Variants in L3HYPDH observed in about 807,000 individuals in gnomAD.
L3HYPDH encodes the protein trans-3-hydroxy-L-proline dehydratase.
A neutral mutation model predicts 26.5 loss-of-function variants in L3HYPDH; 32 were observed. The observed-to-expected ratio is 1.21, with a 90% CI of 0.91 to 1.62. The LOEUF (loss-of-function observed/expected upper bound fraction) is 1.62. Ranked by LOEUF, L3HYPDH falls within the 40% of genes most tolerant of loss-of-function variation. The pLI is 0.00. For synonymous variants in L3HYPDH, 215 were observed against 196.6 expected (o/e 1.09, Z -0.78); for missense variants, 554 against 476.4 (o/e 1.16, Z -1.52).
chr14:59,490,850 A>C, the L3HYPDH span, among the ~76,000 whole-genome samples: 121 of 152,340 alleles, frequency 7.9e-4, no homozygotes, highest in Non-Finnish European at 1.5e-3. Flanking sequence ...ACAGTAAAGA[A>C]GAGCTAACAG....
upstream of L3HYPDH, chr14:59,485,214 A>T: frequency 7.6e-7 from 1 of 1,322,458 alleles, no homozygotes; most frequent in Non-Finnish European, 1.0e-6. Flanking sequence ...ACGTGTATTT[A>T]TTAAGCATCT....
At chr14:59,475,034 G>A (rs1889530275) in intron 4 of L3HYPDH, 1 of 151,158 alleles carries the variant, frequency 6.6e-6, no homozygotes, top group South Asian at 2.1e-4. Flanking sequence ...ATAATTTACT[G>A]AATGTAGATC....
chr14:59,501,783 T>G, the L3HYPDH span, among the ~76,000 whole-genome samples: 1 of 152,220 alleles, frequency 6.6e-6, no homozygotes, highest in Non-Finnish European at 1.5e-5. Flanking sequence ...AGCCACATTA[T>G]TCTGATACTG....
chr14:59,484,632 G>A, upstream of L3HYPDH: 1 of 1,573,006 alleles, frequency 6.4e-7, no homozygotes, highest in South Asian at 1.2e-5. Flanking sequence ...GTTTCTGGTA[G>A]TCCCGACTAC....
intron 1 of L3HYPDH, among the ~76,000 whole-genome samples, chr14:59,465,867 G>A (rs1889154099): frequency 6.6e-6 from 1 of 152,170 alleles, no homozygotes; most frequent in African/African-American, 2.4e-5. Flanking sequence ...TACAAGTGAC[G>A]AGGTCTGAAC....
At chr14:59,490,770 G>A in the L3HYPDH span, among the ~76,000 whole-genome samples, 2 of 152,186 alleles carry the variant, frequency 1.3e-5, no homozygotes, top group Non-Finnish European at 2.9e-5. Context: ...GAGAGATGGG[G>A]TGAGAAAGGA....
upstream of L3HYPDH, chr14:59,484,769 G>A: frequency 1.1e-6 from 1 of 950,506 alleles, no homozygotes; most frequent in Non-Finnish European, 1.5e-6. Flanking sequence ...GGGGTGGTCT[G>A]TCCGCAACGG....
intron 2 of L3HYPDH, 178 bp downstream of exon 2, chr14:59,479,004 G>C (rs1021781034): frequency 3.7e-5 from 18 of 481,072 alleles, no homozygotes; most frequent in Non-Finnish European, 6.4e-5. Context: ...GGCTGCATGT[G>C]GCTCACAGGC....
upstream of L3HYPDH, among the ~76,000 whole-genome samples, chr14:59,488,417 A>G (rs1471434914): frequency 1.3e-5 from 2 of 152,192 alleles, no homozygotes; most frequent in Non-Finnish European, 2.9e-5. Flanking sequence ...CTGGAGTTAC[A>G]AAGAACAGAG....
the L3HYPDH span, among the ~76,000 whole-genome samples, chr14:59,502,279 T>C: frequency 2.0e-5 from 3 of 152,170 alleles, no homozygotes; most frequent in Non-Finnish European, 2.9e-5. Context: ...GGCCAAACTC[T>C]AGAGGAAGCA....
chr14:59,489,766 G>C, the L3HYPDH span, among the ~76,000 whole-genome samples: 1 of 152,166 alleles, frequency 6.6e-6, no homozygotes. Flanking sequence ...ACTGGCATCT[G>C]CTTCTGGTGA....
chr14:59,489,136 T>TA (rs1382806927), upstream of L3HYPDH, among the ~76,000 whole-genome samples: 1 of 152,272 alleles, frequency 6.6e-6, no homozygotes, highest in Non-Finnish European at 1.5e-5. Flanking sequence ...TTTTCTTCTC[T>TA]ACCACATGGC....
chr14:59,494,981 A>G, the L3HYPDH span: 1 of 1,471,610 alleles, frequency 6.8e-7, no homozygotes, highest in South Asian at 1.1e-5. Flanking sequence ...TAAATATTGC[A>G]ATTTTTCTAG....
At chr14:59,503,731 T>TCAAA in the L3HYPDH span, 1 of 630,608 alleles carries the variant, frequency 1.6e-6, no homozygotes. Flanking sequence ...CTTTTTTAGC[T>TCAAA]CAAACATTTT....
At chr14:59,469,337 G>A (rs1360467975), downstream of L3HYPDH, among the ~76,000 whole-genome samples, 1 of 151,994 alleles carries the variant, frequency 6.6e-6, no homozygotes, top group African/African-American at 2.4e-5. Flanking sequence ...GGTGAATCAC[G>A]AGATCAGGAG....
chr14:59,502,341 A>T, the L3HYPDH span, among the ~76,000 whole-genome samples: 1 of 152,166 alleles, frequency 6.6e-6, no homozygotes, highest in Non-Finnish European at 1.5e-5. Context: ...TAATCTAGGG[A>T]CTATGAACTG....
chr14:59,494,810 TA>T, the L3HYPDH span, among the ~76,000 whole-genome samples: 1 of 152,164 alleles, frequency 6.6e-6, no homozygotes, highest in Admixed American at 6.5e-5. Context: ...AGATGCAGGG[TA>T]GATATAATTT....
chr14:59,468,305 G>T (rs1025566563), downstream of L3HYPDH, among the ~76,000 whole-genome samples: 1 of 152,202 alleles, frequency 6.6e-6, no homozygotes, highest in Non-Finnish European at 1.5e-5. Flanking sequence ...GGCACTGCAT[G>T]ATTTGACCCT....
At chr14:59,496,348 A>G in the L3HYPDH span, among the ~76,000 whole-genome samples, 1 of 151,616 alleles carries the variant, frequency 6.6e-6, no homozygotes, top group Non-Finnish European at 1.5e-5. Context: ...TCTAAGCATT[A>G]ATTACCCTCT....
Sources: gnomAD v4.1 joint callset for allele counts (sites outside exome capture counted in the v4.1 genomes callset) on GRCh38, gnomAD v4.1.1 for gene constraint, MANE v1.5 for transcripts, NCBI Gene and HGNC (gene_info 2026-07-23, HGNC 2026-07-21) for gene names.